The following IRAG1 variants were observed in gnomAD, a reference collection of about 807,000 sequenced individuals.
The protein encoded by IRAG1 is IP3R-associated cGMP kinase substrate.
A neutral mutation model predicts 106.2 loss-of-function variants in IRAG1; 62 were observed. That is an observed-to-expected ratio of 0.58 (90% CI 0.48 to 0.72). The LOEUF (loss-of-function observed/expected upper bound fraction) is 0.72. IRAG1 is among the 30% of genes least tolerant of loss of function. The pLI, the probability that IRAG1 is intolerant of heterozygous loss-of-function variation, is 0.00. For missense variants in IRAG1, 1,064 were observed against 1,140.7 expected (o/e 0.93, Z 0.97); for synonymous variants, 462 against 443.9 (o/e 1.04, Z -0.51).
intron 1 of IRAG1, among the ~76,000 whole-genome samples, chr11:10,654,871 T>C (rs1858799539): frequency 6.6e-6 from 1 of 152,220 alleles, no homozygotes; most frequent in Non-Finnish European, 1.5e-5. Flanking sequence ...AGACTTCACC[T>C]GGCTCTTGGG....
chr11:10,685,909 C>T (rs1193079355), intron 1 of IRAG1, among the ~76,000 whole-genome samples: 3 of 152,108 alleles, frequency 2.0e-5, no homozygotes, highest in African/African-American at 7.2e-5. Flanking sequence ...GCCAACTAGC[C>T]AGGTTTATCT....
At chr11:10,624,490 T>C (rs1856079347) in intron 9 of IRAG1, among the ~76,000 whole-genome samples, 1 of 152,150 alleles carries the variant, frequency 6.6e-6, no homozygotes, top group African/African-American at 2.4e-5. Context: ...TCACACCTGC[T>C]CTAAGCCAAT....
Position 10,647,136 on chromosome 11 carries a change from C to T in IRAG1, c.225+4889G>A, listed in dbSNP as rs1308161303. On this transcript the variant is annotated intron_variant, in intron 2 of 20. Coordinates refer to ENST00000423302, the MANE Select transcript of IRAG1 (RefSeq NM_130385.4). The surrounding 1 kb of genome is among the most constrained non-coding windows in gnomAD (Gnocchi z 4.3). ...GGTGAGTGGCTTTGGGAACACAGGA[C>T]AACGTACTGTTGGCCCAGGTCCCAG... Among the ~76,000 whole-genome samples the T allele has an allele frequency of 6.6e-6, 1 of 152,152 alleles. No homozygotes were observed. Among genetic ancestry groups the T allele is most frequent in the Non-Finnish European group, 1.5e-5 (1 of 68,040 alleles).
intron 18 of IRAG1, among the ~76,000 whole-genome samples, chr11:10,586,663 C>A (rs1852039973): frequency 6.6e-6 from 1 of 152,182 alleles, no homozygotes; most frequent in Non-Finnish European, 1.5e-5. Flanking sequence ...AGTGATCCAC[C>A]TGCCTCGGCC....
At chr11:10,650,743 G>A (rs952451269) in intron 2 of IRAG1, among the ~76,000 whole-genome samples, 1 of 152,212 alleles carries the variant, frequency 6.6e-6, no homozygotes. Context: ...ATAAAACCCT[G>A]GGCTGGGCTG....
chr11:10,622,412 C>T (rs1403445493), intron 10 of IRAG1, among the ~76,000 whole-genome samples: 1 of 152,214 alleles, frequency 6.6e-6, no homozygotes, highest in African/African-American at 2.4e-5. Flanking sequence ...TCCACTCACC[C>T]ATGCCTCTTT....
At chr11:10,627,952 G>A in intron 7 of IRAG1, 21 bp downstream of exon 7, 4 of 1,596,970 alleles carry the variant, frequency 2.5e-6, no homozygotes, top group Non-Finnish European at 3.4e-6. Flanking sequence ...AAACAGCACA[G>A]CAGGTGGGGG....
chr11:10,590,737 T>A (rs1235793290), intron 18 of IRAG1, among the ~76,000 whole-genome samples: 3 of 152,226 alleles, frequency 2.0e-5, no homozygotes, highest in African/African-American at 7.2e-5. Context: ...TGGCTGAGGA[T>A]GAAAAGATCT....
At chr11:10,587,362 A>G (rs1028951521) in intron 18 of IRAG1, among the ~76,000 whole-genome samples, 4 of 151,990 alleles carry the variant, frequency 2.6e-5, no homozygotes, top group African/African-American at 7.3e-5. Context: ...AGTCACCCCC[A>G]CTGCCATGGT....
chr11:10,634,286 CTTGATACAATGTT>C (rs1477567498), intron 2 of IRAG1, among the ~76,000 whole-genome samples: 2 of 152,120 alleles, frequency 1.3e-5, no homozygotes, highest in Non-Finnish European at 2.9e-5. Context: ...TTTTCATTAC[CTTGATACAATGTT>C]TTGATACAAT....
chr11:10,620,148 G>T (rs1855723051), intron 10 of IRAG1, among the ~76,000 whole-genome samples: 1 of 152,070 alleles, frequency 6.6e-6, no homozygotes, highest in South Asian at 2.1e-4. Flanking sequence ...ATCTATGTAA[G>T]ATAGTATTCA....
At chr11:10,690,946 G>A (rs560781240) in intron 1 of IRAG1, among the ~76,000 whole-genome samples, 1 of 152,272 alleles carries the variant, frequency 6.6e-6, no homozygotes, top group East Asian at 1.9e-4. Flanking sequence ...GAGTCTGGGG[G>A]CCCCAAGCTC....
intron 2 of IRAG1, among the ~76,000 whole-genome samples, chr11:10,641,451 A>C (rs1340263614): frequency 6.6e-6 from 1 of 152,198 alleles, no homozygotes; most frequent in African/African-American, 2.4e-5. Flanking sequence ...CAAGTGATCA[A>C]GGACCCACCA....
rs185778677 is a variant in IRAG1 at position 10,601,651 on chromosome 11, G to A, written c.1876-592C>T. ...TCTATTTGTAAGTCTGGGTTGTGAA[G>A]GACCTCGAATGCTAGACAAAGGAAT... is the stretch of plus-strand genomic sequence containing the variant. On this transcript the variant is annotated intron_variant, in intron 14 of 20. Coordinates refer to ENST00000423302, the MANE Select transcript of IRAG1 (RefSeq NM_130385.4). Among the ~76,000 whole-genome samples, 239 of 152,328 alleles carry A rather than the reference G, an allele frequency of 1.6e-3. 1 individual carries two copies. The highest frequency in any genetic ancestry group is 2.9e-3 in the Admixed American group (45 of 15,308).
intron 2 of IRAG1, among the ~76,000 whole-genome samples, chr11:10,646,547 C>G (rs1198434880): frequency 6.6e-6 from 1 of 152,158 alleles, no homozygotes; most frequent in Admixed American, 6.5e-5. Context: ...TCTAGGTGCT[C>G]CACAAGCAGA....
intron 19 of IRAG1, among the ~76,000 whole-genome samples, chr11:10,581,408 C>T (rs1429387327): frequency 1.3e-5 from 2 of 152,124 alleles, no homozygotes; most frequent in African/African-American, 2.4e-5. Context: ...GCTATTGAAG[C>T]TCAAATGGAG....
chr11:10,615,816 C>T (rs10450574), intron 10 of IRAG1, among the ~76,000 whole-genome samples: 150,310 of 151,818 alleles, frequency 0.99, 74,413 homozygotes, highest in East Asian at 1. Context: ...ATAGCATTAG[C>T]AGATATACCT....
chr11:10,627,923 G>A (rs1244480960), intron 7 of IRAG1, 50 bp downstream of exon 7: 1 of 1,582,696 alleles, frequency 6.3e-7, no homozygotes, highest in African/African-American at 1.3e-5. Flanking sequence ...GGGGTAAGGG[G>A]AGAGACCCAT....
intron 19 of IRAG1, 74 bp from the exon 20 acceptor site, chr11:10,580,663 G>C: frequency 6.5e-7 from 1 of 1,541,096 alleles, no homozygotes; most frequent in Non-Finnish European, 8.8e-7. Flanking sequence ...TCCTAGGGGA[G>C]GGGACTTGAG....
Sources: gnomAD v4.1 joint callset for allele counts (sites outside exome capture counted in the v4.1 genomes callset) on GRCh38, gnomAD v4.1.1 for gene constraint, Gnocchi (gnomAD v3.1) non-coding constraint, MANE v1.5 for transcripts, NCBI Gene and HGNC (gene_info 2026-07-23, HGNC 2026-07-21) for gene names.